Variants in TRMO observed in about 807,000 individuals in gnomAD.
TRMO encodes the protein tRNA (adenine(37)-N6)-methyltransferase.
TRMO carries 30 observed loss-of-function variants against 37.2 expected under a neutral mutation model. That is an observed-to-expected ratio of 0.81 (90% CI 0.60 to 1.09). The LOEUF (loss-of-function observed/expected upper bound fraction) is 1.09, where lower values mean the gene tolerates loss of function less well. Among genes scored for constraint, TRMO ranks in the 50% least tolerant of loss-of-function variants. The probability of loss-of-function intolerance (pLI) is 0.00; values close to 1 mark genes in which losing one functional copy is unlikely to be tolerated. For missense variants in TRMO, 552 were observed against 549.5 expected (o/e 1.00, Z -0.05); for synonymous variants, 239 against 199.4 (o/e 1.20, Z -1.67).
rs1826693020 is a variant in TRMO, at chr9:97,922,335, G to A, written c.76+83C>T. On this transcript the variant is annotated intron_variant, in intron 1 of 4. Transcript: ENST00000375119. ...GACGCACGTCAGTTCCAGATCGTGCGTTTTACACCCCTCTCGGCAACGAAG... is the reference window on the plus strand; with the variant it reads ...GACGCACGTCAGTTCCAGATCGTGCATTTTACACCCCTCTCGGCAACGAAG... The A allele has an allele frequency of 4.2e-6, 4 of 944,656 alleles. No homozygotes were observed. The South Asian group carries it at 5.7e-5, about 14-fold the overall frequency. 58.5% of individuals were successfully genotyped at this position (944,656 alleles called of 1,614,324 possible).
At chr9:97,901,625 G>A (rs557563173), downstream of TRMO, among the ~76,000 whole-genome samples, 1 of 152,122 alleles carries the variant, frequency 6.6e-6, no homozygotes, top group South Asian at 2.1e-4. Context: ...TAAAATCAAT[G>A]ACAGTTTTAA....
intron 1 of TRMO, 30 bp downstream of exon 1, chr9:97,922,388 G>A: frequency 1.4e-6 from 2 of 1,465,336 alleles, no homozygotes; most frequent in South Asian, 2.4e-5. Flanking sequence ...AACCTCTCCA[G>A]AGTGTGGCAC....
intron 1 of TRMO, among the ~76,000 whole-genome samples, chr9:97,921,142 C>A (rs903975776): frequency 2.6e-5 from 4 of 152,204 alleles, no homozygotes; most frequent in Non-Finnish European, 4.4e-5. Flanking sequence ...TAACAAAGTT[C>A]AAACTTTAGA....
At chr9:97,908,343 C>T (rs545531411) in intron 4 of TRMO, among the ~76,000 whole-genome samples, 6 of 145,706 alleles carry the variant, frequency 4.1e-5, no homozygotes, top group South Asian at 2.1e-4. Flanking sequence ...ACCCGGGAGG[C>T]GGAGCTTGCA....
chr9:97,920,859 A>C (rs1187242701), intron 1 of TRMO, among the ~76,000 whole-genome samples: 3 of 152,192 alleles, frequency 2.0e-5, no homozygotes, highest in Admixed American at 1.3e-4. Context: ...TAACTCTTTA[A>C]CTTTAAACTT....
rs757181506 is a variant in TRMO, at chr9:97,904,799, G to C, written c.1260C>G (p.Ile420Met). ...TATGAACAGGCTCAGAAGCCGGCTTGATCCTCAGCACCTCTGCAAAGCCAT... is the reference window on the plus strand; with the variant it reads ...TATGAACAGGCTCAGAAGCCGGCTTCATCCTCAGCACCTCTGCAAAGCCAT... ...FGDGFAEVLR[I>M]KPASEPVHMT... Residue 420 changes from isoleucine to methionine, a missense_variant, in exon 5 of 5, where the codon ATC (isoleucine) becomes ATG (methionine). Transcript: ENST00000375119. The C allele has an allele frequency of 6.2e-6, 10 of 1,614,188 alleles. No individual in the cohort carries two copies. Among genetic ancestry groups the C allele is most frequent in the Non-Finnish European group, 8.5e-6 (10 of 1,180,034 alleles).
chr9:97,915,168 G>A (rs1040154517), intron 2 of TRMO, among the ~76,000 whole-genome samples: 2 of 152,124 alleles, frequency 1.3e-5, no homozygotes, highest in Non-Finnish European at 2.9e-5. Flanking sequence ...GAATGAACAC[G>A]GACAGAATTT....
In TRMO at chr9:97,910,220, T is replaced by TC. The variant is rs1296255152; in HGVS notation, c.805dup (p.Glu269GlyfsTer50). On this transcript the variant is annotated frameshift_variant, in exon 4 of 5. Coordinates refer to ENST00000375119, the MANE Select transcript of TRMO (RefSeq NM_016481.5). LOFTEE classifies it high-confidence loss of function. ...CTCTGGGCAATATGGGCCAATTTGT[T>TC]CTTCTGCCACGCTGGAACTCTGATC... 4 of 1,614,110 alleles carry TC rather than the reference T, an allele frequency of 2.5e-6. No individual in the cohort carries two copies. Among genetic ancestry groups the TC allele is most frequent in the Non-Finnish European group, 2.5e-6 (3 of 1,180,050 alleles).
chr9:97,908,292 G>A (rs990024047), intron 4 of TRMO, among the ~76,000 whole-genome samples: 3 of 151,624 alleles, frequency 2.0e-5, no homozygotes, highest in Non-Finnish European at 2.9e-5. Flanking sequence ...GGCGCCTGTA[G>A]TCCCAGCTAC....
chr9:97,914,382 A>G (rs1444830674), intron 2 of TRMO, among the ~76,000 whole-genome samples: 2 of 152,242 alleles, frequency 1.3e-5, no homozygotes, highest in African/African-American at 2.4e-5. Context: ...AATGTAAAAA[A>G]CTGATAACAT....
intron 4 of TRMO, among the ~76,000 whole-genome samples, chr9:97,908,027 C>A (rs1485689505): frequency 6.6e-6 from 1 of 152,158 alleles, no homozygotes; most frequent in African/African-American, 2.4e-5. Flanking sequence ...CACCTGTAAT[C>A]CCTGCACTTT....
chr9:97,910,376 CT>C lies in TRMO; in HGVS notation c.649del (p.Arg217GlyfsTer16). ...DEPQPHHSTKRKPKCPEDRTS... is the reference protein window; with the variant it reads ...DEPQPHHSTKXKPKCPEDRTS... ...TCTGTCTTCAGGACATTTAGGTTTC[CT>C]CTTAGTGCTATGGTGGGGTTGTGGC... On this transcript the variant is annotated frameshift_variant, in exon 4 of 5. Coordinates refer to ENST00000375119, the MANE Select transcript of TRMO (RefSeq NM_016481.5). LOFTEE classifies it high-confidence loss of function. The C allele has an allele frequency of 1.9e-6, 3 of 1,614,146 alleles. No individual in the cohort carries two copies. The highest frequency in any genetic ancestry group is 2.5e-6 in the Non-Finnish European group (3 of 1,180,022).
intron 3 of TRMO, chr9:97,912,136 TCAAACCCA>T (rs1183304477): frequency 1.3e-5 from 2 of 152,258 alleles, no homozygotes; most frequent in East Asian, 1.9e-4. Flanking sequence ...TGCTACTTTG[TCAAACCCA>T]CAAAGCCACT....
intron 3 of TRMO, chr9:97,913,196 A>G: frequency 1.7e-6 from 1 of 577,090 alleles, no homozygotes; most frequent in East Asian, 3.1e-5. Flanking sequence ...TAATATAAAC[A>G]AGCTCTGAGC....
chr9:97,917,335 T>C (rs1826416465), intron 1 of TRMO, among the ~76,000 whole-genome samples: 1 of 152,228 alleles, frequency 6.6e-6, no homozygotes, highest in African/African-American at 2.4e-5. Context: ...CTAAAATATC[T>C]AGAGGCAAGG....
intron 4 of TRMO, among the ~76,000 whole-genome samples, chr9:97,906,797 G>A (rs1261193074): frequency 2.7e-5 from 4 of 146,862 alleles, no homozygotes; most frequent in Non-Finnish European, 5.9e-5. Context: ...AGCCGAGATC[G>A]CGTCACTACA....
At chr9:97,920,415 C>T (rs866538685) in intron 1 of TRMO, among the ~76,000 whole-genome samples, 2 of 152,142 alleles carry the variant, frequency 1.3e-5, no homozygotes, top group South Asian at 4.1e-4. Flanking sequence ...AACACAGGGC[C>T]ACTACACTAG....
intron 1 of TRMO, among the ~76,000 whole-genome samples, chr9:97,920,907 A>T (rs891926518): frequency 1.3e-5 from 2 of 152,178 alleles, no homozygotes; most frequent in Non-Finnish European, 2.9e-5. Flanking sequence ...TGTATTTCTT[A>T]GCCTGGTACT....
In TRMO at chr9:97,910,595, C is replaced by T. The variant is rs1826078952; in HGVS notation, c.431G>A (p.Gly144Glu). Residue 144 changes from glycine to glutamate, a missense_variant, in exon 4 of 5, where the codon GGA becomes GAA. Transcript: ENST00000375119. Reference sequence around the variant, plus strand: ...GGGTGTGCCATGTATCATGTCAATTCCAGAAAGGTATATAGCTCCACCTAT... The same window carrying T: ...GGGTGTGCCATGTATCATGTCAATTTCAGAAAGGTATATAGCTCCACCTAT... ...KVEGGAIYLS[G>E]IDMIHGTPVL... 6.2e-7 allele frequency: 1 copy of T among 1,613,802 alleles called. No individual in the cohort carries two copies. The highest frequency in any genetic ancestry group is 1.3e-5 in the African/African-American group (1 of 74,898).
Sources: gnomAD v4.1 joint callset for allele counts (sites outside exome capture counted in the v4.1 genomes callset) on GRCh38, gnomAD v4.1.1 for gene constraint, MANE v1.5 for transcripts, NCBI Gene and HGNC (gene_info 2026-07-23, HGNC 2026-07-21) for gene names.